METTL15: variants seen among roughly 807,000 people sequenced by gnomAD.
The protein encoded by METTL15 is methyltransferase 15, mitochondrial 12S rRNA N4-cytidine, also known as 12S rRNA N(4)-cytidine methyltransferase METTL15.
In METTL15, 34 loss-of-function variants were observed where a neutral mutation model predicts 38.3. The observed-to-expected ratio is 0.89, with a 90% CI of 0.68 to 1.18. The LOEUF (loss-of-function observed/expected upper bound fraction) is 1.18, where lower values mean the gene tolerates loss of function less well. METTL15 is among the 50% of genes most tolerant of loss of function. The pLI is 0.00. For missense variants in METTL15, 438 were observed against 498.4 expected, an observed-to-expected ratio of 0.88 and a Z score of 1.15; for synonymous variants, 162 against 170.9, an observed-to-expected ratio of 0.95 and a Z score of 0.41.
downstream of METTL15, among the ~76,000 whole-genome samples, chr11:28,337,009 A>G (rs1590337665): frequency 6.6e-6 from 1 of 152,278 alleles, no homozygotes; most frequent in East Asian, 1.9e-4. Context: ...AATATTGATC[A>G]TCCTGACCCT....
chr11:28,462,908 T>C (rs1200721445), intron 6 of METTL15, among the ~76,000 whole-genome samples: 15 of 152,142 alleles, frequency 9.9e-5, no homozygotes, highest in Admixed American at 8.5e-4. Context: ...GTATGTAAGC[T>C]GAGACTTTTG....
intron 5 of METTL15, among the ~76,000 whole-genome samples, chr11:28,294,234 A>T (rs544112407): frequency 6.6e-6 from 1 of 152,224 alleles, no homozygotes; most frequent in Admixed American, 6.5e-5. Context: ...AAAGTGTGTG[A>T]CATTTGAAAA....
intron 4 of METTL15, among the ~76,000 whole-genome samples, chr11:28,256,000 G>C (rs7117097): frequency 0.14 from 22,061 of 152,226 alleles, 1,811 homozygotes; most frequent in East Asian, 0.28. Flanking sequence ...ACCGTGCCTG[G>C]CCAATTGATT....
intron 5 of METTL15, among the ~76,000 whole-genome samples, chr11:28,366,741 G>A (rs142089341): frequency 7.0e-4 from 107 of 152,262 alleles, no homozygotes; most frequent in African/African-American, 2.0e-3. Flanking sequence ...CTAAATTGGC[G>A]CAGCATGCTC....
intron 6 of METTL15, among the ~76,000 whole-genome samples, chr11:28,470,064 T>C (rs992506499): frequency 1.3e-5 from 2 of 152,006 alleles, no homozygotes; most frequent in African/African-American, 4.8e-5. Context: ...ACAATCACAA[T>C]GTAGACTCTC....
chr11:28,235,123 A>C (rs532894799), intron 4 of METTL15, among the ~76,000 whole-genome samples: 1 of 152,016 alleles, frequency 6.6e-6, no homozygotes, highest in East Asian at 1.9e-4. Flanking sequence ...TGTAGATATG[A>C]GGCGTTATTT....
intron 6 of METTL15, among the ~76,000 whole-genome samples, chr11:28,307,567 ACTTGTAGTAC>A (rs1857125354): frequency 6.6e-6 from 1 of 151,952 alleles, no homozygotes; most frequent in Non-Finnish European, 1.5e-5. Flanking sequence ...TTGTCTTTGC[ACTTGTAGTAC>A]CTTTCCTATT....
intron 3 of METTL15, among the ~76,000 whole-genome samples, chr11:28,200,132 T>C (rs541634721): frequency 6.6e-6 from 1 of 152,314 alleles, no homozygotes; most frequent in African/African-American, 2.4e-5. Context: ...TTCACTTCTC[T>C]ACTCACCACA....
intron 6 of METTL15, among the ~76,000 whole-genome samples, chr11:28,446,668 G>T (rs1157765944): frequency 2.6e-5 from 4 of 151,984 alleles, no homozygotes; most frequent in African/African-American, 9.7e-5. Flanking sequence ...TTGGATTTAT[G>T]TTCCATAGAC....
intron 3 of METTL15, among the ~76,000 whole-genome samples, chr11:28,127,295 A>C (rs1852530939): frequency 1.3e-5 from 2 of 152,162 alleles, no homozygotes; most frequent in African/African-American, 4.8e-5. Flanking sequence ...GGTAAAAAGC[A>C]TAGGACAAAG....
chr11:28,207,942 G>A (rs937680855), intron 3 of METTL15, among the ~76,000 whole-genome samples: 1 of 152,104 alleles, frequency 6.6e-6, no homozygotes, highest in Non-Finnish European at 1.5e-5. Flanking sequence ...ATTTCTGTGG[G>A]ATCTGTGGTG....
At chr11:28,122,117 T>G (rs2133608480) in intron 3 of METTL15, 1 of 1,214,582 alleles carries the variant, frequency 8.2e-7, no homozygotes, top group South Asian at 1.6e-5. Flanking sequence ...ACTCAAAGTA[T>G]CAAGTTTAGA....
At chr11:28,492,519 G>A (rs1168342631) in intron 6 of METTL15, among the ~76,000 whole-genome samples, 1 of 61,414 alleles carries the variant, frequency 1.6e-5, no homozygotes, top group Non-Finnish European at 3.8e-5. Context: ...GGCAACTGGA[G>A]CCACACACAC....
intron 6 of METTL15, chr11:28,327,981 G>T: frequency 8.0e-6 from 9 of 1,119,820 alleles, no homozygotes; most frequent in Non-Finnish European, 1.1e-5. Flanking sequence ...ATAATGCTAA[G>T]AAATTTTTAA....
chr11:28,385,807 G>T (rs1050982403), intron 5 of METTL15, among the ~76,000 whole-genome samples: 2 of 152,022 alleles, frequency 1.3e-5, no homozygotes, highest in African/African-American at 2.4e-5. Context: ...AATTTTCTGT[G>T]TGTGTGTGTG....
At chr11:28,355,697 C>T (rs1850084913) in intron 4 of METTL15, among the ~76,000 whole-genome samples, 1 of 151,786 alleles carries the variant, frequency 6.6e-6, no homozygotes, top group African/African-American at 2.4e-5. Context: ...AAGTTATATG[C>T]AGTATTACAT....
intron 3 of METTL15, among the ~76,000 whole-genome samples, chr11:28,147,049 T>A (rs1419425825): frequency 9.2e-5 from 14 of 151,914 alleles, no homozygotes; most frequent in Admixed American, 9.2e-4. Flanking sequence ...AGAGCAAGTA[T>A]GTTCTGGCAA....
chr11:28,375,639 T>G (rs889766627), intron 5 of METTL15, among the ~76,000 whole-genome samples: 17 of 152,316 alleles, frequency 1.1e-4, no homozygotes, highest in South Asian at 6.2e-4. Flanking sequence ...ATTAATTTTT[T>G]GAAGGGTTTT....
At chr11:28,409,545 G>C (rs1441327417) in intron 5 of METTL15, among the ~76,000 whole-genome samples, 4 of 151,888 alleles carry the variant, frequency 2.6e-5, no homozygotes, top group Non-Finnish European at 4.4e-5. Flanking sequence ...ATCAAAGCAG[G>C]ACCCAAAAGG....
Sources: gnomAD v4.1 joint callset for allele counts (sites outside exome capture counted in the v4.1 genomes callset) on GRCh38, gnomAD v4.1.1 for gene constraint, MANE v1.5 for transcripts, NCBI Gene and HGNC (gene_info 2026-07-23, HGNC 2026-07-21) for gene names.